ZNF730: variants seen among roughly 807,000 people sequenced by gnomAD.
ZNF730 encodes putative zinc finger protein 730.
In ZNF730, 12 loss-of-function variants were observed where a neutral mutation model predicts 12.6. The observed-to-expected ratio is 0.95, with a 90% CI of 0.61 to 1.54. The LOEUF (loss-of-function observed/expected upper bound fraction) is 1.54. Ranked by LOEUF, ZNF730 falls within the 40% of genes most tolerant of loss-of-function variation. ZNF730 has a pLI of 0.00. For missense variants in ZNF730, 643 were observed against 583.5 expected (o/e 1.10, Z -1.05); for synonymous variants, 194 against 195.8 (o/e 0.99, Z 0.08).
chr19:23,144,804 T>A (rs897584519), intron 3 of ZNF730, among the ~76,000 whole-genome samples: 1 of 152,144 alleles, frequency 6.6e-6, no homozygotes, highest in African/African-American at 2.4e-5. Flanking sequence ...CTCAGCAGGC[T>A]CAAATTGTCA....
At chr19:23,131,123 C>T (rs975123778) in intron 1 of ZNF730, among the ~76,000 whole-genome samples, 2 of 152,158 alleles carry the variant, frequency 1.3e-5, no homozygotes, top group East Asian at 3.8e-4. Context: ...TGCAGATCTA[C>T]TCGTTGCTCC....
At chr19:23,078,406 G>A (rs1969904306) in intron 1 of ZNF730, among the ~76,000 whole-genome samples, 1 of 151,942 alleles carries the variant, frequency 6.6e-6, no homozygotes, top group African/African-American at 2.4e-5. Context: ...ACATGCTGGC[G>A]GCACTACTCT....
intron 1 of ZNF730, among the ~76,000 whole-genome samples, chr19:23,092,760 C>T (rs766593262): frequency 6.6e-6 from 1 of 152,048 alleles, no homozygotes; most frequent in Non-Finnish European, 1.5e-5. Flanking sequence ...TTCAACCAAC[C>T]TTGCATTTCA....
intron 1 of ZNF730, among the ~76,000 whole-genome samples, chr19:23,103,888 A>G (rs1306826672): frequency 6.6e-6 from 1 of 152,196 alleles, no homozygotes; most frequent in African/African-American, 2.4e-5. Flanking sequence ...TTATTCACAG[A>G]CAAGTGTTGT....
At chr19:23,121,773 A>C (rs1970602488) in intron 1 of ZNF730, among the ~76,000 whole-genome samples, 1 of 152,208 alleles carries the variant, frequency 6.6e-6, no homozygotes, top group African/African-American at 2.4e-5. Flanking sequence ...TCCAGTGTCT[A>C]CTGAAGTTCA....
intron 1 of ZNF730, chr19:23,127,585 A>C (rs1472894907): frequency 1.1e-6 from 1 of 941,268 alleles, no homozygotes; most frequent in Non-Finnish European, 1.8e-6. Flanking sequence ...TAAATTGCTC[A>C]TGTTGCTGAA....
chr19:23,116,420 C>T (rs1970524336), upstream of ZNF730, among the ~76,000 whole-genome samples: 1 of 150,388 alleles, frequency 6.6e-6, no homozygotes, highest in South Asian at 2.1e-4. Flanking sequence ...TTCCTCCTTT[C>T]CTTCCTTCCT....
chr19:23,081,026 C>T (rs55931942), intron 1 of ZNF730, among the ~76,000 whole-genome samples: 7,639 of 150,804 alleles, frequency 0.051, 231 homozygotes, highest in Middle Eastern at 0.091. Flanking sequence ...TTGAATTTTT[C>T]GTAGATACAG....
intron 1 of ZNF730, among the ~76,000 whole-genome samples, chr19:23,076,503 A>G (rs899809986): frequency 1.3e-5 from 2 of 152,154 alleles, no homozygotes; most frequent in Non-Finnish European, 2.9e-5. Context: ...GAGTTTCAGA[A>G]CTGTCTTAAC....
chr19:23,106,211 A>G (rs1970390895), intron 1 of ZNF730, among the ~76,000 whole-genome samples: 1 of 152,026 alleles, frequency 6.6e-6, no homozygotes, highest in East Asian at 1.9e-4. Context: ...AAGGGGAAGA[A>G]AAAAGAGGAG....
intron 1 of ZNF730, among the ~76,000 whole-genome samples, chr19:23,108,166 G>A (rs1220037613): frequency 1.3e-5 from 2 of 152,106 alleles, no homozygotes; most frequent in Non-Finnish European, 2.9e-5. Flanking sequence ...TTACAATTAG[G>A]TCACCTAAAA....
At chr19:23,128,690 A>G (rs1292340309) in intron 1 of ZNF730, 3 of 155,556 alleles carry the variant, frequency 1.9e-5, no homozygotes, top group East Asian at 3.6e-4. Context: ...AAATGGAAAC[A>G]GAGCATAAAA....
intron 1 of ZNF730, among the ~76,000 whole-genome samples, chr19:23,130,232 A>G (rs1029992946): frequency 6.6e-6 from 1 of 152,066 alleles, no homozygotes; most frequent in African/African-American, 2.4e-5. Context: ...TGAACTTCAG[A>G]ATATATAATG....
intron 1 of ZNF730, among the ~76,000 whole-genome samples, chr19:23,124,445 G>T (rs146178983): frequency 1.4e-3 from 216 of 152,342 alleles, no homozygotes; most frequent in African/African-American, 5.0e-3. Flanking sequence ...CAGGACAGGT[G>T]ATCCAGGTTC....
chr19:23,105,389 A>G (rs1228905197), intron 1 of ZNF730, among the ~76,000 whole-genome samples: 6 of 152,130 alleles, frequency 3.9e-5, no homozygotes, highest in African/African-American at 1.4e-4. Flanking sequence ...CTGGGATTAC[A>G]GGCGTGAGCT....
intron 1 of ZNF730, among the ~76,000 whole-genome samples, chr19:23,076,404 C>A (rs1434246117): frequency 6.6e-6 from 1 of 152,174 alleles, no homozygotes; most frequent in Non-Finnish European, 1.5e-5. Flanking sequence ...TAGGTACACA[C>A]ACCTTATTAG....
intron 1 of ZNF730, among the ~76,000 whole-genome samples, chr19:23,117,799 G>C (rs561699267): frequency 8.5e-5 from 13 of 152,252 alleles, no homozygotes; most frequent in African/African-American, 2.4e-4. Flanking sequence ...TGTAATCAGA[G>C]CTTAATAGGC....
At chr19:23,134,057 G>T in intron 1 of ZNF730, 23 bp from the exon 2 acceptor site, 1 of 1,611,686 alleles carries the variant, frequency 6.2e-7, no homozygotes, top group Non-Finnish European at 8.5e-7. Context: ...TGGTAAATAT[G>T]TGTGTTTGTT....
At chr19:23,079,029 C>T (rs1007161541) in intron 1 of ZNF730, among the ~76,000 whole-genome samples, 3 of 152,138 alleles carry the variant, frequency 2.0e-5, no homozygotes, top group African/African-American at 7.2e-5. Flanking sequence ...TGATCTCGAA[C>T]TCCTGACCTC....
Sources: allele counts gnomAD v4.1 joint callset (sites outside exome capture counted in the v4.1 genomes callset), GRCh38; gene constraint gnomAD v4.1.1; transcripts MANE v1.5; gene names NCBI Gene and HGNC (gene_info 2026-07-23, HGNC 2026-07-21).